Variants in TSNARE1 observed in about 807,000 individuals in gnomAD.
The protein encoded by TSNARE1 is t-SNARE domain-containing protein 1.
TSNARE1 carries 49 observed loss-of-function variants against 62.0 expected under a neutral mutation model. The ratio of observed to expected loss-of-function variants is 0.79; its 90% CI spans 0.63 to 1.00. TSNARE1 has a LOEUF of 1.00. Among genes scored for constraint, TSNARE1 ranks in the 50% least tolerant of loss-of-function variants. TSNARE1 has a pLI of 0.00. For missense variants in TSNARE1, 755 were observed against 700.1 expected (o/e 1.08, Z -0.88); for synonymous variants, 328 against 294.4 (o/e 1.11, Z -1.17).
At chr8:142,277,849 A>G in intron 11 of TSNARE1, 11 of 985,306 alleles carry the variant, frequency 1.1e-5, no homozygotes, top group Non-Finnish European at 1.3e-5. Context: ...AGGGCTGAGG[A>G]CTTGCAGAAA....
chr8:142,277,840 G>A, intron 11 of TSNARE1: 1 of 985,340 alleles, frequency 1.0e-6, no homozygotes, highest in African/African-American at 1.7e-5. Flanking sequence ...GCAGCCTCCA[G>A]GGCTGAGGAC....
At chr8:142,304,381 G>A (rs549691222) in intron 9 of TSNARE1, among the ~76,000 whole-genome samples, 2 of 152,330 alleles carry the variant, frequency 1.3e-5, no homozygotes, top group African/African-American at 2.4e-5. Flanking sequence ...TGAGGCCCCA[G>A]GCATGCCACG....
At chr8:142,405,322 C>T (rs1838569724), upstream of TSNARE1, 3 of 152,246 alleles carry the variant, frequency 2.0e-5, no homozygotes, top group South Asian at 6.2e-4. Flanking sequence ...TGGGCTCCCT[C>T]CTTCCTCCAG....
chr8:142,217,958 C>A (rs1258061180), intron 13 of TSNARE1, among the ~76,000 whole-genome samples: 1 of 60,076 alleles, frequency 1.7e-5, no homozygotes. Context: ...AGGATCAGGG[C>A]TCAGTGTGTG....
chr8:142,400,157 G>C (rs1838182467), intron 1 of TSNARE1, among the ~76,000 whole-genome samples: 1 of 152,030 alleles, frequency 6.6e-6, no homozygotes. Context: ...CCAAAAAGAA[G>C]AAGTGGCTGG....
intron 1 of TSNARE1, chr8:142,402,859 G>C (rs1838400958): frequency 2.0e-5 from 3 of 152,148 alleles, no homozygotes; most frequent in Admixed American, 1.3e-4. Flanking sequence ...CCCGAAATGC[G>C]GCGCTCTCGC....
At chr8:142,265,310 G>GTAAC (rs1819079432) in intron 12 of TSNARE1, among the ~76,000 whole-genome samples, 1 of 152,174 alleles carries the variant, frequency 6.6e-6, no homozygotes, top group Non-Finnish European at 1.5e-5. Context: ...CCATCCCTGT[G>GTAAC]ATCTCGCCCT....
At chr8:142,373,375 A>C (rs1347857375) in intron 1 of TSNARE1, among the ~76,000 whole-genome samples, 1 of 152,080 alleles carries the variant, frequency 6.6e-6, no homozygotes, top group Non-Finnish European at 1.5e-5. Context: ...GGCGGCTGGG[A>C]GAGAGGAGGC....
At chr8:142,220,562 T>C (rs10216864) in intron 13 of TSNARE1, among the ~76,000 whole-genome samples, 136,283 of 152,174 alleles carry the variant, frequency 0.9, 61,103 homozygotes, top group Non-Finnish European at 0.92. Flanking sequence ...AGGGAGGGCC[T>C]CCAGATTCCG....
chr8:142,245,609 CA>C (rs1734580213), intron 12 of TSNARE1, among the ~76,000 whole-genome samples: 1 of 152,144 alleles, frequency 6.6e-6, no homozygotes, highest in African/African-American at 2.4e-5. Flanking sequence ...AAAAAATAAG[CA>C]AAACCAAACA....
chr8:142,224,279 G>C (rs1002759946), intron 13 of TSNARE1, among the ~76,000 whole-genome samples: 1 of 152,230 alleles, frequency 6.6e-6, no homozygotes, highest in African/African-American at 2.4e-5. Flanking sequence ...AGTGCGGCAG[G>C]CGGGCTTTGC....
intron 4 of TSNARE1, among the ~76,000 whole-genome samples, chr8:142,340,745 G>A (rs545512190): frequency 2.3e-4 from 35 of 152,212 alleles, no homozygotes; most frequent in Non-Finnish European, 4.3e-4. Flanking sequence ...CCACTGTCTG[G>A]ATCTCAAAGG....
At chr8:142,229,266 G>A (rs1440294296) in intron 13 of TSNARE1, among the ~76,000 whole-genome samples, 1 of 151,868 alleles carries the variant, frequency 6.6e-6, no homozygotes, top group African/African-American at 2.4e-5. Flanking sequence ...ATGGTGGATG[G>A]GTGGATGGAT....
intron 5 of TSNARE1, 52 bp downstream of exon 5, chr8:142,331,702 T>TGGTCCAGGGTGCCTGGATGGAGGGGCA: frequency 6.7e-7 from 1 of 1,501,340 alleles, no homozygotes; most frequent in Admixed American, 1.9e-5. Flanking sequence ...GTCGCATCAG[T>TGGTCCAGGGTGCCTGGATGGAGGGGCA]GGTCCAGGGT....
intron 6 of TSNARE1, among the ~76,000 whole-genome samples, chr8:142,326,832 G>T (rs1586823944): frequency 6.6e-6 from 1 of 152,228 alleles, no homozygotes; most frequent in African/African-American, 2.4e-5. Context: ...TTCCTTCCAA[G>T]AAGATATACA....
chr8:142,391,175 C>T lies in TSNARE1; in HGVS notation c.-40+11929G>A, dbSNP rs547009214. On this transcript the variant is annotated intron_variant, in intron 1 of 13. Transcript: ENST00000524325. Reference sequence around the variant, plus strand: ...ACACTGCTGGGGACTCTGTAACAGACGCTGTACACTGCTGGGGACTCTGTA... The same window carrying T: ...ACACTGCTGGGGACTCTGTAACAGATGCTGTACACTGCTGGGGACTCTGTA... Among the ~76,000 whole-genome samples, 232 of 141,474 alleles carry T rather than the reference C, an allele frequency of 1.6e-3. 4 individuals carry two copies. Among genetic ancestry groups the T allele is most frequent in the African/African-American group, 5.9e-3 (217 of 36,862 alleles). The allele number at this position is 141,474 out of a possible 152,430, so 92.8% of individuals were successfully genotyped here. A position where few individuals can be genotyped will look rare whatever the true frequency, so the allele number is the denominator to read the frequency against.
intron 10 of TSNARE1, among the ~76,000 whole-genome samples, chr8:142,286,674 G>A (rs1332567833): frequency 6.6e-6 from 1 of 152,214 alleles, no homozygotes; most frequent in Non-Finnish European, 1.5e-5. Context: ...TGGAGACCAA[G>A]CCTAGGCTCC....
intron 7 of TSNARE1, among the ~76,000 whole-genome samples, chr8:142,316,934 C>T (rs1014194406): frequency 4.6e-5 from 7 of 151,950 alleles, no homozygotes; most frequent in African/African-American, 1.7e-4. Context: ...GCTGGCTCTG[C>T]AGCAGGCCGA....
chr8:142,282,929 G>T (rs4976991), intron 11 of TSNARE1, among the ~76,000 whole-genome samples: 3,150 of 147,662 alleles, frequency 0.021, 22 homozygotes, highest in Admixed American at 0.07. Context: ...GAGCGGAGGT[G>T]GGGCCACTGT....
Sources: allele counts gnomAD v4.1 joint callset (sites outside exome capture counted in the v4.1 genomes callset), GRCh38; gene constraint gnomAD v4.1.1; transcripts MANE v1.5; gene names NCBI Gene and HGNC (gene_info 2026-07-23, HGNC 2026-07-21).